Variants in SULT1A2 observed in about 807,000 individuals in gnomAD.
SULT1A2 encodes sulfotransferase family 1A member 2.
SULT1A2 carries 33 observed loss-of-function variants against 36.0 expected under a neutral mutation model. The ratio of observed to expected loss-of-function variants is 0.92; its 90% CI spans 0.69 to 1.22. The LOEUF is 1.22. Ranked by LOEUF, SULT1A2 falls within the 50% of genes most tolerant of loss-of-function variation. The probability of loss-of-function intolerance (pLI) is 0.00; values close to 1 mark genes in which losing one functional copy is unlikely to be tolerated. For synonymous variants in SULT1A2, 138 were observed against 144.5 expected (o/e 0.96, Z 0.32); for missense variants, 367 against 383.2 (o/e 0.96, Z 0.35).
In SULT1A2 at chr16:28,597,049, G is replaced by C; in HGVS notation, c.-57C>G. ...CCCTCCTCGCCCGCAGTGGCTGAGT[G>C]TGGGTGTTGTGTGGGGAATGCAGGG... On this transcript the variant is annotated 5_prime_UTR_variant, in exon 1 of 8. Coordinates refer to ENST00000335715, the MANE Select transcript of SULT1A2 (RefSeq NM_001054.4). The C allele has an allele frequency of 7.8e-7, 1 of 1,283,314 alleles. No homozygotes were observed. The highest frequency in any genetic ancestry group is 1.0e-6 in the Non-Finnish European group (1 of 983,338). The allele number at this position is 1,283,314 out of a possible 1,614,324, so 79.5% of individuals were successfully genotyped here. A position where few individuals can be genotyped will look rare whatever the true frequency, so the allele number is the denominator to read the frequency against.
chr16:28,592,000 C>G lies in SULT1A2; in HGVS notation c.*28G>C. On this transcript the variant is annotated 3_prime_UTR_variant, in exon 8 of 8. Coordinates refer to ENST00000335715, the MANE Select transcript of SULT1A2 (RefSeq NM_001054.4). ...CTTGGTCAGGCTTGATTCGCACACT[C>G]CCTCTGCAGTGACTCCAGGAACCCC... 1 of 1,611,936 alleles carries G rather than the reference C, an allele frequency of 6.2e-7. No homozygotes were observed. The highest frequency in any genetic ancestry group is 8.5e-7 in the Non-Finnish European group (1 of 1,179,840).
intron 1 of SULT1A2, chr16:28,596,362 T>C: frequency 3.6e-6 from 4 of 1,123,122 alleles, no homozygotes; most frequent in Non-Finnish European, 4.4e-6. Context: ...CCCAGTAGGC[T>C]CCTCTCCCCG....
Position 28,593,333 on chromosome 16 carries a change from G to C in SULT1A2, c.513C>G (p.Ser171=), listed in dbSNP as rs2047018365. 1.2e-6 allele frequency: 2 copies of C among 1,614,218 alleles called. No homozygotes were observed. Among genetic ancestry groups the C allele is most frequent in the South Asian group, 2.2e-5 (2 of 91,090 alleles). The change falls in exon 6 of 8, where the codon TCC becomes TCG. Residue 171 remains serine, a synonymous_variant. Coordinates refer to ENST00000335715, the MANE Select transcript of SULT1A2 (RefSeq NM_001054.4). ...KFMAGEVSYG[S]WYQHVQEWWE... ...ACCACTCTTGCACGTGCTGGTACCA[G>C]GACCCATAGGACACTGGAGAAGCGG...
At chr16:28,594,577 C>G (rs558630891) in intron 4 of SULT1A2, among the ~76,000 whole-genome samples, 2 of 152,042 alleles carry the variant, frequency 1.3e-5, no homozygotes, top group Non-Finnish European at 2.9e-5. Flanking sequence ...CTCAGCCTCC[C>G]GAGTAGCTGG....
chr16:28,592,561 C>G, intron 6 of SULT1A2, 118 bp from the exon 7 acceptor site: 2 of 1,556,850 alleles, frequency 1.3e-6, no homozygotes, highest in Non-Finnish European at 8.7e-7. Context: ...ACCCATAGAG[C>G]CAGCTCCTCG....
chr16:28,592,617 C>A, intron 6 of SULT1A2, 174 bp from the exon 7 acceptor site: 1 of 1,238,898 alleles, frequency 8.1e-7, no homozygotes, highest in Non-Finnish European at 1.1e-6. Flanking sequence ...TGCTGTCTGC[C>A]CTGTGATCCC....
intron 1 of SULT1A2, 160 bp from the exon 2 acceptor site, chr16:28,596,094 G>C: frequency 6.7e-7 from 1 of 1,499,342 alleles, no homozygotes; most frequent in Non-Finnish European, 8.9e-7. Context: ...CTGAAAACCA[G>C]GTCGGGCTCT....
rs139593792 is a variant in SULT1A2 at position 28,595,902 on chromosome 16, G to T, written c.29C>A (p.Pro10Gln). Residue 10 changes from proline to glutamine, a missense_variant, in exon 2 of 8, where the codon CCG (proline) becomes CAG (glutamine). Coordinates refer to ENST00000335715, the MANE Select transcript of SULT1A2 (RefSeq NM_001054.4). ...GACCCCCTTCACGTACTCCAGTGGC[G>T]GGCGAGAGATGTCCTGGATCAGCTC... MELIQDISR[P>Q]PLEYVKGVPL... The T allele has an allele frequency of 1.6e-5, 25 of 1,596,494 alleles. No homozygotes were observed. Among genetic ancestry groups the T allele is most frequent in the Non-Finnish European group, 5.1e-6 (6 of 1,168,772 alleles).
At position 28,595,850 on chromosome 16, in the gene SULT1A2, T is replaced by G; in HGVS notation, c.81A>C (p.Ala27=). ...GVPLIKYFAE[A]LGPLQSFQAR... ...CCTGGAAGCTCTGCAGGGGCCCCAGTGCCTCTGCAAAGTACTTGATGAGCG... is the reference window on the plus strand; with the variant it reads ...CCTGGAAGCTCTGCAGGGGCCCCAGGGCCTCTGCAAAGTACTTGATGAGCG... Residue 27 remains alanine (A), a synonymous_variant, in exon 2 of 8, where the codon GCA becomes GCC. Coordinates refer to ENST00000335715, the MANE Select transcript of SULT1A2 (RefSeq NM_001054.4). 1 of 1,611,642 alleles carries G rather than the reference T, an allele frequency of 6.2e-7. No homozygotes were observed. The highest frequency in any genetic ancestry group is 8.5e-7 in the Non-Finnish European group (1 of 1,179,396).
chr16:28,596,473 G>C, intron 1 of SULT1A2: 1 of 733,548 alleles, frequency 1.4e-6, no homozygotes, highest in Non-Finnish European at 1.8e-6. Context: ...CTGGGCTCCA[G>C]GACAAACAGC....
intron 4 of SULT1A2, 57 bp from the exon 5 acceptor site, chr16:28,593,625 A>G (rs1229175053): frequency 6.2e-7 from 1 of 1,606,890 alleles, no homozygotes; most frequent in Non-Finnish European, 8.5e-7. Flanking sequence ...GCCCCAGGCC[A>G]GCTCATCTCT....
Position 28,593,362 on chromosome 16 carries a change from G to A in SULT1A2, c.500-16C>T, listed in dbSNP as rs552193413. 1.2e-5 allele frequency: 19 copies of A among 1,614,188 alleles called. No homozygotes were observed. The highest frequency in any genetic ancestry group is 9.3e-5 in the African/African-American group (7 of 75,040). ...CCATAGGACACTGGAGAAGCGGGCA[G>A]GGAGTGCCGACACAGGGTTGCTGTG... On this transcript the variant is annotated splice_polypyrimidine_tract_variant and intron_variant, in intron 5 of 7. Coordinates refer to ENST00000335715, the MANE Select transcript of SULT1A2 (RefSeq NM_001054.4).
intron 4 of SULT1A2, among the ~76,000 whole-genome samples, chr16:28,594,607 A>T (rs1041898763): frequency 8.1e-5 from 12 of 147,248 alleles, no homozygotes; most frequent in Non-Finnish European, 1.8e-4. Flanking sequence ...CGCCTGCCCC[A>T]ACGCCTGGCT....
rs1167971135 is a variant in SULT1A2 at position 28,593,433 on chromosome 16, C to T, written c.499+9G>A. 1.9e-6 allele frequency: 3 copies of T among 1,614,214 alleles called. No homozygotes were observed. Among genetic ancestry groups the T allele is most frequent in the Non-Finnish European group, 1.7e-6 (2 of 1,180,036 alleles). ...AGCTCCACACCTTCCTTCCTCCCAT[C>T]AAGCCCACCTTCTCCAGCCATGAAC... On this transcript the variant is annotated intron_variant, in intron 5 of 7. Transcript: ENST00000335715.
chr16:28,595,570 T>C lies in SULT1A2; in HGVS notation c.254A>G (p.Lys85Arg), dbSNP rs776924254. The change falls in exon 3 of 8, where the codon AAA becomes AGA. Residue 85 changes from lysine to arginine, a missense_variant. Lys to Arg is a conservative substitution (Grantham distance 26). Coordinates refer to ENST00000335715, the MANE Select transcript of SULT1A2 (RefSeq NM_001054.4). ...CACACCTGAGGGAATCCCTGGGACT[T>C]TGAACTCAAGGAAGGGCACCCGCAT... ...IFMRVPFLEF[K>R]VPGIPSGMET... 6 of 1,613,958 alleles carry C rather than the reference T, an allele frequency of 3.7e-6. No individual in the cohort carries two copies. The highest frequency in any genetic ancestry group is 2.2e-5 in the South Asian group (2 of 91,088).
At chr16:28,593,619 C>G in intron 4 of SULT1A2, 51 bp from the exon 5 acceptor site, 1 of 1,608,110 alleles carries the variant, frequency 6.2e-7, no homozygotes, top group Admixed American at 1.7e-5. Context: ...CAGCCTGCCC[C>G]AGGCCAGCTC....
intron 4 of SULT1A2, among the ~76,000 whole-genome samples, chr16:28,594,732 C>A (rs1463110583): frequency 1.5e-5 from 2 of 134,158 alleles, no homozygotes; most frequent in African/African-American, 5.5e-5. Context: ...GTATTACAGG[C>A]GTGAGCCACA....
intron 1 of SULT1A2, chr16:28,596,510 G>A: frequency 1.9e-6 from 1 of 519,844 alleles, no homozygotes; most frequent in East Asian, 9.7e-5. Context: ...CTGGTATTGG[G>A]GGCCAGAGCC....
At chr16:28,596,154 T>A in intron 1 of SULT1A2, 1 of 1,344,612 alleles carries the variant, frequency 7.4e-7, no homozygotes, top group Admixed American at 2.8e-5. Context: ...CCTGCGGAGC[T>A]GTTCAAAATC....
Sources: gnomAD v4.1 joint callset for allele counts (sites outside exome capture counted in the v4.1 genomes callset) on GRCh38, gnomAD v4.1.1 for gene constraint, MANE v1.5 for transcripts, NCBI Gene and HGNC (gene_info 2026-07-23, HGNC 2026-07-21) for gene names.